Variants in GPC5 observed in about 807,000 individuals in gnomAD.
GPC5 encodes glypican 5.
A neutral mutation model predicts 53.9 loss-of-function variants in GPC5; 47 were observed. That is an observed-to-expected ratio of 0.87 (90% CI 0.69 to 1.11). The LOEUF (loss-of-function observed/expected upper bound fraction) is 1.11, where lower values mean the gene tolerates loss of function less well. GPC5 is among the 50% of genes most tolerant of loss of function. The pLI is 0.00. For synonymous variants in GPC5, 286 were observed against 263.3 expected, an observed-to-expected ratio of 1.09 and a Z score of -0.84; for missense variants, 748 against 713.1, an observed-to-expected ratio of 1.05 and a Z score of -0.56.
At chr13:91,952,690 G>T (rs2139062331) in intron 6 of GPC5, among the ~76,000 whole-genome samples, 1 of 152,056 alleles carries the variant, frequency 6.6e-6, no homozygotes, top group African/African-American at 2.4e-5. Flanking sequence ...AGGTCTACAG[G>T]TTCAAAAGCA....
chr13:92,108,951 C>A (rs1447735292), intron 6 of GPC5, among the ~76,000 whole-genome samples: 1 of 151,800 alleles, frequency 6.6e-6, no homozygotes, highest in Non-Finnish European at 1.5e-5. Flanking sequence ...CTTAGTTCAT[C>A]TTTTCCACAT....
chr13:92,224,630 C>A (rs1424772161), intron 7 of GPC5, among the ~76,000 whole-genome samples: 2 of 152,114 alleles, frequency 1.3e-5, no homozygotes, highest in African/African-American at 4.8e-5. Context: ...TTTTGTTTTT[C>A]ATTTTCAGAT....
At chr13:91,518,583 C>T (rs1181279959) in intron 2 of GPC5, among the ~76,000 whole-genome samples, 3 of 152,144 alleles carry the variant, frequency 2.0e-5, no homozygotes, top group Non-Finnish European at 2.9e-5. Flanking sequence ...GATGGAGTCT[C>T]GCTCTGTCGC....
At chr13:92,072,407 C>T (rs1365155548) in intron 6 of GPC5, among the ~76,000 whole-genome samples, 1 of 151,456 alleles carries the variant, frequency 6.6e-6, no homozygotes, top group African/African-American at 2.4e-5. Context: ...GCTGGGACTA[C>T]AGGCGTGCAC....
intron 7 of GPC5, among the ~76,000 whole-genome samples, chr13:92,765,110 C>T (rs374754216): frequency 2.0e-5 from 3 of 152,094 alleles, no homozygotes; most frequent in African/African-American, 4.8e-5. Context: ...GAATGAGATA[C>T]GATGGACAAG....
At chr13:92,628,012 T>C (rs909723439) in intron 7 of GPC5, among the ~76,000 whole-genome samples, 7 of 152,226 alleles carry the variant, frequency 4.6e-5, no homozygotes, top group South Asian at 2.1e-4. Context: ...TTGAATACTT[T>C]TCTCATTTGA....
chr13:92,081,138 C>T (rs963986774), intron 6 of GPC5, among the ~76,000 whole-genome samples: 19 of 151,982 alleles, frequency 1.3e-4, no homozygotes, highest in African/African-American at 3.9e-4. Context: ...GATGGAGTTT[C>T]GCTCTTGTCT....
At chr13:91,858,524 CATG>C (rs1194735587) in intron 5 of GPC5, among the ~76,000 whole-genome samples, 1 of 151,952 alleles carries the variant, frequency 6.6e-6, no homozygotes, top group Middle Eastern at 3.2e-3. Flanking sequence ...CCCACTTGGT[CATG>C]ATGAATGATC....
chr13:92,791,923 T>C (rs1316157422), intron 7 of GPC5, among the ~76,000 whole-genome samples: 1 of 152,102 alleles, frequency 6.6e-6, no homozygotes, highest in Non-Finnish European at 1.5e-5. Flanking sequence ...TGACTATCAT[T>C]TCATCTCATT....
At chr13:92,798,395 T>G (rs1386206538) in intron 7 of GPC5, among the ~76,000 whole-genome samples, 2 of 151,890 alleles carry the variant, frequency 1.3e-5, no homozygotes, top group Admixed American at 1.3e-4. Flanking sequence ...TGCTTTTTTC[T>G]GTTTCCAAGT....
At chr13:92,250,040 T>TGA in intron 7 of GPC5, among the ~76,000 whole-genome samples, 1 of 152,250 alleles carries the variant, frequency 6.6e-6, no homozygotes, top group Non-Finnish European at 1.5e-5. Context: ...TAATAAATAC[T>TGA]TCTTCATTTT....
intron 7 of GPC5, among the ~76,000 whole-genome samples, chr13:92,494,398 T>G (rs1207367809): frequency 6.6e-6 from 1 of 152,212 alleles, no homozygotes; most frequent in African/African-American, 2.4e-5. Flanking sequence ...CAAGAATTAC[T>G]TTTAAATCTA....
At chr13:92,260,876 C>T (rs947476514) in intron 7 of GPC5, among the ~76,000 whole-genome samples, 1 of 152,144 alleles carries the variant, frequency 6.6e-6, no homozygotes, top group Admixed American at 6.6e-5. Flanking sequence ...TGCTTAAAGA[C>T]ATTTATATTT....
At chr13:91,488,204 T>G (rs975051601) in intron 2 of GPC5, among the ~76,000 whole-genome samples, 1 of 152,114 alleles carries the variant, frequency 6.6e-6, no homozygotes, top group African/African-American at 2.4e-5. Context: ...TAGGGCTAAG[T>G]TTGATGTAAA....
At chr13:91,974,731 G>A (rs1361535295) in intron 6 of GPC5, among the ~76,000 whole-genome samples, 1 of 152,086 alleles carries the variant, frequency 6.6e-6, no homozygotes, top group South Asian at 2.1e-4. Flanking sequence ...TCCCCATCAA[G>A]TTACCAATGA....
rs2040457693 is a variant in GPC5 at position 91,991,662 on chromosome 13, CA to C, written c.1401+83610del. Among the ~76,000 whole-genome samples the C allele has an allele frequency of 4.0e-5, 6 of 151,676 alleles. No individual in the cohort carries two copies. The South Asian group carries it at 1.2e-3, about 32-fold the overall frequency. ...GTGTTTACAGACTTTTTTTGAATTC[CA>C]AAAAGAATTATACTGTGAACATTTT... On this transcript the variant is annotated intron_variant, in intron 6 of 7. Coordinates refer to ENST00000377067, the MANE Select transcript of GPC5 (RefSeq NM_004466.6).
At chr13:92,379,820 G>A (rs2043724911) in intron 7 of GPC5, among the ~76,000 whole-genome samples, 1 of 152,124 alleles carries the variant, frequency 6.6e-6, no homozygotes, top group Admixed American at 6.6e-5. Context: ...CTCACAGCAA[G>A]GATCCTCTCT....
At chr13:91,750,949 A>G (rs903483030) in intron 4 of GPC5, among the ~76,000 whole-genome samples, 2 of 146,802 alleles carry the variant, frequency 1.4e-5, no homozygotes, top group African/African-American at 5.2e-5. Context: ...GGTGTGAGCC[A>G]TTGCGCCTGG....
At chr13:91,475,539 C>T (rs752797798) in intron 2 of GPC5, among the ~76,000 whole-genome samples, 48 of 152,312 alleles carry the variant, frequency 3.2e-4, no homozygotes, top group Non-Finnish European at 6.2e-4. Context: ...GTTCATGCGT[C>T]TGCACATCCA....
Sources: gnomAD v4.1 joint callset for allele counts (sites outside exome capture counted in the v4.1 genomes callset) on GRCh38, gnomAD v4.1.1 for gene constraint, MANE v1.5 for transcripts, NCBI Gene and HGNC (gene_info 2026-07-23, HGNC 2026-07-21) for gene names.